PLEKHA6: variants seen among roughly 807,000 people sequenced by gnomAD.
PLEKHA6 encodes the protein pleckstrin homology domain-containing family A member 6.
In PLEKHA6, 60 loss-of-function variants were observed where a neutral mutation model predicts 116.7. The observed-to-expected ratio is 0.51, with a 90% CI of 0.42 to 0.64. The LOEUF (loss-of-function observed/expected upper bound fraction) is 0.64. Among genes scored for constraint, PLEKHA6 ranks in the 30% least tolerant of loss-of-function variants. PLEKHA6 has a pLI of 0.00. For missense variants in PLEKHA6, 1,338 were observed against 1,422.7 expected (o/e 0.94, Z 0.96); for synonymous variants, 489 against 556.1 (o/e 0.88, Z 1.70).
chr1:204,309,957 T>C (rs1671597204), intron 1 of PLEKHA6, among the ~76,000 whole-genome samples: 1 of 152,202 alleles, frequency 6.6e-6, no homozygotes, highest in African/African-American at 2.4e-5. Flanking sequence ...AGTGTGGCTA[T>C]GTTTCAATAA....
At chr1:204,369,981 G>A (rs1673742931) in intron 2 of PLEKHA6, among the ~76,000 whole-genome samples, 1 of 152,156 alleles carries the variant, frequency 6.6e-6, no homozygotes, top group African/African-American at 2.4e-5. Flanking sequence ...CTACTTTTTT[G>A]AGGTTCATAA....
At chr1:204,304,141 C>G (rs1671069140) in intron 1 of PLEKHA6, among the ~76,000 whole-genome samples, 1 of 152,212 alleles carries the variant, frequency 6.6e-6, no homozygotes, top group African/African-American at 2.4e-5. Flanking sequence ...AAAATCCAAT[C>G]CACAGATCTC....
chr1:204,375,063 C>T (rs2103421988), intron 1 of PLEKHA6, among the ~76,000 whole-genome samples: 1 of 152,224 alleles, frequency 6.6e-6, no homozygotes, highest in South Asian at 2.1e-4. Flanking sequence ...TACCCTGGTC[C>T]TGGTGCTGCC....
chr1:204,249,260 AGCTTCTAGGGAC>A lies in PLEKHA6; in HGVS notation c.1594-8_1597del. 1 of 1,610,852 alleles carries A rather than the reference AGCTTCTAGGGAC, an allele frequency of 6.2e-7. No individual in the cohort carries two copies. The highest frequency in any genetic ancestry group is 8.5e-7 in the Non-Finnish European group (1 of 1,176,976). On this transcript the variant is annotated splice_acceptor_variant and splice_polypyrimidine_tract_variant and coding_sequence_variant and intron_variant, in exon 11 of 23. Coordinates refer to ENST00000272203, the MANE Select transcript of PLEKHA6 (RefSeq NM_014935.5). LOFTEE classifies it high-confidence loss of function. ...GTTCTGCTCACACAATTTTCCCAGC[AGCTTCTAGGGAC>A]CCAGAGAGTGGAGAAGGAGAGGGAG... is the stretch of plus-strand genomic sequence containing the variant.
intron 8 of PLEKHA6, among the ~76,000 whole-genome samples, chr1:204,258,194 AT>A (rs1665617841): frequency 6.6e-6 from 1 of 152,196 alleles, no homozygotes; most frequent in Non-Finnish European, 1.5e-5. Flanking sequence ...AGAGAGGCAA[AT>A]AGAAGAAAGT....
intron 1 of PLEKHA6, among the ~76,000 whole-genome samples, chr1:204,331,738 G>C (rs114004672): frequency 0.01 from 1,586 of 152,294 alleles, 24 homozygotes; most frequent in African/African-American, 0.035. Flanking sequence ...CAACTGTAAG[G>C]AGTGAGGGAA....
At chr1:204,326,270 G>C (rs1482144668) in intron 1 of PLEKHA6, among the ~76,000 whole-genome samples, 1 of 152,144 alleles carries the variant, frequency 6.6e-6, no homozygotes, top group Non-Finnish European at 1.5e-5. Context: ...CTCTCCCTTA[G>C]ACCCAACCAG....
chr1:204,347,739 G>C (rs969338924), intron 1 of PLEKHA6, among the ~76,000 whole-genome samples: 2 of 152,128 alleles, frequency 1.3e-5, no homozygotes, highest in African/African-American at 4.8e-5. Flanking sequence ...GCTTCAGTCG[G>C]TCCCTCCGTT....
chr1:204,303,888 A>AT (rs1015643371), intron 1 of PLEKHA6, among the ~76,000 whole-genome samples: 6 of 151,636 alleles, frequency 4.0e-5, no homozygotes, highest in African/African-American at 1.5e-4. Context: ...TAATTTTTGT[A>AT]TTTTTTTGTA....
intron 1 of PLEKHA6, chr1:204,320,588 G>A (rs149815274): frequency 1.5e-5 from 9 of 598,060 alleles, no homozygotes; most frequent in East Asian, 1.4e-4. Flanking sequence ...GGAAACTTTC[G>A]GTCAGCCCTG....
intron 3 of PLEKHA6, among the ~76,000 whole-genome samples, chr1:204,367,328 C>T (rs1260120224): frequency 6.6e-6 from 1 of 152,186 alleles, no homozygotes; most frequent in African/African-American, 2.4e-5. Flanking sequence ...ATCGCAGATG[C>T]CCCCATCCAC....
chr1:204,284,420 T>A (rs1480709407), intron 1 of PLEKHA6, among the ~76,000 whole-genome samples: 2 of 152,088 alleles, frequency 1.3e-5, no homozygotes, highest in Non-Finnish European at 2.9e-5. Flanking sequence ...TATGAACACC[T>A]CCTTTTGCCA....
At chr1:204,229,854 G>A (rs1002293739) in intron 18 of PLEKHA6, among the ~76,000 whole-genome samples, 2 of 152,146 alleles carry the variant, frequency 1.3e-5, no homozygotes, top group Admixed American at 6.5e-5. Context: ...GATGTCTTGG[G>A]CTACATCCAG....
At chr1:204,313,304 A>G (rs1671732592) in intron 1 of PLEKHA6, among the ~76,000 whole-genome samples, 1 of 152,184 alleles carries the variant, frequency 6.6e-6, no homozygotes, top group African/African-American at 2.4e-5. Flanking sequence ...TTAGTGATGC[A>G]CTTCACACAA....
intron 1 of PLEKHA6, among the ~76,000 whole-genome samples, chr1:204,296,327 AT>A (rs552676018): frequency 0.023 from 3,337 of 146,186 alleles, 103 homozygotes; most frequent in African/African-American, 0.077. Context: ...GCTTTGCCTG[AT>A]TTTTTTTTTT....
intron 1 of PLEKHA6, among the ~76,000 whole-genome samples, chr1:204,353,660 C>T (rs1558198550): frequency 6.6e-6 from 1 of 152,176 alleles, no homozygotes; most frequent in African/African-American, 2.4e-5. Context: ...CTACACCTAA[C>T]TCATTTGATC....
chr1:204,338,114 C>T (rs1672717719), intron 1 of PLEKHA6, among the ~76,000 whole-genome samples: 1 of 152,150 alleles, frequency 6.6e-6, no homozygotes, highest in African/African-American at 2.4e-5. Context: ...TCCCGAAGAC[C>T]TAGATTTGAA....
intron 3 of PLEKHA6, among the ~76,000 whole-genome samples, chr1:204,269,544 A>C (rs1445159546): frequency 6.8e-6 from 1 of 147,310 alleles, no homozygotes; most frequent in African/African-American, 2.5e-5. Context: ...TCCACCCCAC[A>C]CCCTCACCAT....
upstream of PLEKHA6, among the ~76,000 whole-genome samples, chr1:204,362,541 A>G (rs778711264): frequency 6.6e-6 from 1 of 152,100 alleles, no homozygotes; most frequent in Non-Finnish European, 1.5e-5. Context: ...GTGGAACTGC[A>G]TCCACATGGG....
Sources: gnomAD v4.1 joint callset for allele counts (sites outside exome capture counted in the v4.1 genomes callset) on GRCh38, gnomAD v4.1.1 for gene constraint, MANE v1.5 for transcripts, NCBI Gene and HGNC (gene_info 2026-07-23, HGNC 2026-07-21) for gene names.